The following TJP2 variants were observed in gnomAD, a reference collection of about 807,000 sequenced individuals.
TJP2 encodes Friedreich ataxia region gene X104 (tight junction protein ZO-2).
Under a neutral mutation model 133.1 loss-of-function variants are expected in TJP2, and 91 were observed. That is an observed-to-expected ratio of 0.68 (90% CI 0.58 to 0.81). The LOEUF (loss-of-function observed/expected upper bound fraction) is 0.81. Among genes scored for constraint, TJP2 ranks in the 40% least tolerant of loss-of-function variants. TJP2 has a pLI of 0.00. For missense variants in TJP2, 1,541 were observed against 1,565.6 expected (o/e 0.98, Z 0.26); for synonymous variants, 592 against 583.4 (o/e 1.01, Z -0.21).
At chr9:69,151,172 T>G (rs1314469734) in intron 1 of TJP2, among the ~76,000 whole-genome samples, 1 of 152,100 alleles carries the variant, frequency 6.6e-6, no homozygotes, top group East Asian at 1.9e-4. Context: ...CTTGTGGGGT[T>G]AATGAAGATC....
intron 3 of TJP2, among the ~76,000 whole-genome samples, chr9:69,216,763 T>G (rs1828414586): frequency 6.6e-6 from 1 of 152,182 alleles, no homozygotes; most frequent in Non-Finnish European, 1.5e-5. Context: ...TAAATTGGCA[T>G]GCTTCTCAAC....
chr9:69,205,362 C>T, intron 1 of TJP2: 1 of 1,489,518 alleles, frequency 6.7e-7, no homozygotes, highest in Non-Finnish European at 8.9e-7. Context: ...CATCTTTCAG[C>T]AACAAATTGT....
intron 1 of TJP2, among the ~76,000 whole-genome samples, chr9:69,144,021 G>T (rs1235923388): frequency 2.7e-5 from 4 of 150,850 alleles, no homozygotes; most frequent in African/African-American, 4.9e-5. Flanking sequence ...TTATTTTTTT[G>T]AGACAGAGTC....
chr9:69,159,925 C>G (rs1253750304), intron 2 of TJP2, among the ~76,000 whole-genome samples: 2 of 139,322 alleles, frequency 1.4e-5, no homozygotes, highest in Non-Finnish European at 3.1e-5. Flanking sequence ...GTGTGTGTTT[C>G]TTTTTTTTTC....
intron 2 of TJP2, among the ~76,000 whole-genome samples, chr9:69,154,433 C>T (rs893448119): frequency 2.0e-5 from 3 of 152,186 alleles, no homozygotes; most frequent in Non-Finnish European, 4.4e-5. Flanking sequence ...GGAGTCTCTC[C>T]TCTGATGAGC....
Position 69,132,090 on chromosome 9 carries a change from G to A in TJP2, c.-131+10365G>A, listed in dbSNP as rs76909759. On this transcript the variant is annotated intron_variant, in intron 1 of 5. Coordinates refer to the TJP2 transcript ENST00000423935. ...GCTTAATTCCCTGGCAACTAGTTGT[G>A]ACCACACATGTGAAATGTTATCAAC... Among the ~76,000 whole-genome samples the A allele has an allele frequency of 2.8e-3, 434 of 152,342 alleles. 2 individuals carry two copies. Among genetic ancestry groups the A allele is most frequent in the African/African-American group, 9.0e-3 (376 of 41,572 alleles).
intron 1 of TJP2, among the ~76,000 whole-genome samples, chr9:69,206,298 A>G (rs1383538510): frequency 6.6e-6 from 1 of 151,156 alleles, no homozygotes; most frequent in Middle Eastern, 3.4e-3. Flanking sequence ...TCCCCCCACA[A>G]CTCCCCAGAC....
chr9:69,204,651 A>G (rs1827255952), intron 1 of TJP2: 1 of 273,126 alleles, frequency 3.7e-6, no homozygotes, highest in African/African-American at 2.3e-5. Flanking sequence ...AAGGACGTAA[A>G]ACATTTTCTT....
At chr9:69,136,424 A>G (rs1822732985) in intron 1 of TJP2, among the ~76,000 whole-genome samples, 2 of 152,252 alleles carry the variant, frequency 1.3e-5, no homozygotes, top group Non-Finnish European at 1.5e-5. Context: ...AGTAGAGTGT[A>G]TACTATAATG....
intron 17 of TJP2, among the ~76,000 whole-genome samples, chr9:69,242,409 A>G (rs1184650480): frequency 6.6e-6 from 1 of 152,218 alleles, no homozygotes; most frequent in East Asian, 1.9e-4. Context: ...TGTAACTTAC[A>G]TTAGAACTGC....
intron 1 of TJP2, among the ~76,000 whole-genome samples, chr9:69,151,204 G>A (rs1286590137): frequency 2.0e-5 from 3 of 152,176 alleles, no homozygotes; most frequent in Non-Finnish European, 2.9e-5. Context: ...ATTGTGGGCC[G>A]GGCGCAGTGG....
At chr9:69,155,582 G>GTA (rs1303127137) in intron 2 of TJP2, among the ~76,000 whole-genome samples, 1 of 152,260 alleles carries the variant, frequency 6.6e-6, no homozygotes, top group South Asian at 2.1e-4. Flanking sequence ...GAGAGTACTT[G>GTA]TAATGGCTGG....
rs1320604475 is a variant in TJP2 at position 69,228,122 on chromosome 9, AT to A, written c.1453+10del. 1.0e-5 allele frequency: 16 copies of A among 1,598,068 alleles called. No homozygotes were observed. The highest frequency in any genetic ancestry group is 1.4e-5 in the Non-Finnish European group (16 of 1,171,948). On this transcript the variant is annotated intron_variant, in intron 9 of 22. Transcript: ENST00000377245. The stretch of plus-strand genomic sequence containing the variant: ...ACCAAGAGGACCCCCCAGGTGAGCC[AT>A]TAAGACCACTCAGTTTCAACAGTTG...
intron 1 of TJP2, among the ~76,000 whole-genome samples, chr9:69,133,546 C>CTTTTTTTTT (rs10577570): frequency 2.4e-4 from 25 of 104,776 alleles, no homozygotes; most frequent in African/African-American, 9.0e-4. Context: ...ATTTTTCTGG[C>CTTTTTTTTT]TTTTTTTTTT....
intron 1 of TJP2, among the ~76,000 whole-genome samples, chr9:69,192,137 CTTTACAG>C (rs1826245568): frequency 6.6e-6 from 1 of 151,960 alleles, no homozygotes; most frequent in South Asian, 2.1e-4. Flanking sequence ...TTGAGTGGTA[CTTTACAG>C]TTTATAGCAA....
intron 1 of TJP2, among the ~76,000 whole-genome samples, chr9:69,210,819 C>G (rs979941884): frequency 1.3e-4 from 20 of 150,974 alleles, no homozygotes; most frequent in African/African-American, 4.9e-4. Context: ...TCGTAAACTC[C>G]TGCACTCAAC....
At chr9:69,235,754 C>G (rs1356040768) in intron 12 of TJP2, among the ~76,000 whole-genome samples, 1 of 152,160 alleles carries the variant, frequency 6.6e-6, no homozygotes, top group East Asian at 1.9e-4. Flanking sequence ...GACTGTCATT[C>G]AAAAACACCC....
intron 1 of TJP2, among the ~76,000 whole-genome samples, chr9:69,131,549 C>T (rs768134203): frequency 1.4e-4 from 22 of 152,138 alleles, no homozygotes; most frequent in Admixed American, 4.6e-4. Flanking sequence ...TCTTGGGTTT[C>T]GGAAAGAGGC....
At chr9:69,215,775 C>G (rs1828324055) in intron 2 of TJP2, among the ~76,000 whole-genome samples, 1 of 151,786 alleles carries the variant, frequency 6.6e-6, no homozygotes, top group African/African-American at 2.4e-5. Flanking sequence ...CAATGGCTGT[C>G]TGTTGTAATC....
Sources: allele counts gnomAD v4.1 joint callset (sites outside exome capture counted in the v4.1 genomes callset), GRCh38; gene constraint gnomAD v4.1.1; transcripts MANE v1.5; gene names NCBI Gene and HGNC (gene_info 2026-07-23, HGNC 2026-07-21).